Variants in TMPO observed in about 807,000 individuals in gnomAD.
TMPO encodes thymopoietin.
In TMPO, 22 loss-of-function variants were observed where a neutral mutation model predicts 45.4. The observed-to-expected ratio is 0.48, with a 90% CI of 0.35 to 0.69. The LOEUF (loss-of-function observed/expected upper bound fraction) is 0.69. TMPO is among the 30% of genes least tolerant of loss of function. The pLI is 0.01. For missense variants in TMPO, 512 were observed against 548.8 expected (o/e 0.93, Z 0.67); for synonymous variants, 241 against 204.1 (o/e 1.18, Z -1.54).
chr12:98,541,397 A>AT (rs1225498825), intron 4 of TMPO, among the ~76,000 whole-genome samples: 2 of 152,208 alleles, frequency 1.3e-5, no homozygotes, highest in Non-Finnish European at 2.9e-5. Flanking sequence ...GGGTTATGTT[A>AT]TACTTGTATC....
intron 4 of TMPO, among the ~76,000 whole-genome samples, chr12:98,543,376 G>A (rs968645579): frequency 6.6e-6 from 1 of 152,130 alleles, no homozygotes; most frequent in Admixed American, 6.5e-5. Flanking sequence ...GCGGAATTTC[G>A]GGCCCTACAG....
intron 1 of TMPO, among the ~76,000 whole-genome samples, chr12:98,519,996 G>C (rs755410152): frequency 6.7e-6 from 1 of 149,542 alleles, no homozygotes; most frequent in East Asian, 1.9e-4. Flanking sequence ...GTCTTGCTCT[G>C]TCACGCAGCC....
chr12:98,548,653 C>T lies in TMPO; in HGVS notation c.*795C>T, dbSNP rs1435577861. 1 of 152,096 alleles carries T rather than the reference C, an allele frequency of 6.6e-6. No homozygotes were observed. The highest frequency in any genetic ancestry group is 1.5e-5 in the Non-Finnish European group (1 of 68,024). The allele number at this position is 152,096 out of a possible 1,614,324, so 9.4% of individuals were successfully genotyped here. On this transcript the variant is annotated 3_prime_UTR_variant, in exon 9 of 9. Transcript: ENST00000556029. ...ACAGCAAAACATTTATTCAGTCATC[C>T]AGTTTGCTACCAAAATATGTTTTAG...
intron 2 of TMPO, among the ~76,000 whole-genome samples, chr12:98,531,352 T>C (rs1371273249): frequency 6.6e-6 from 1 of 150,576 alleles, no homozygotes; most frequent in Non-Finnish European, 1.5e-5. Context: ...TTCTCCTGTC[T>C]CAGCCTCCCA....
At position 98,550,299 on chromosome 12, in the gene TMPO, GTAAT is replaced by G. The variant is rs980800113; in HGVS notation, c.*2445_*2448del. The G allele has an allele frequency of 2.6e-5, 4 of 152,190 alleles. No individual in the cohort carries two copies. The highest frequency in any genetic ancestry group is 7.2e-5 in the African/African-American group (3 of 41,444). 9.4% of individuals were successfully genotyped at this position (152,190 alleles called of 1,614,324 possible). ...TTACAATATAATTCAATAATAAAAA[GTAAT>G]TAACCTCTAGTTTTGTCGTTGCAAT... On this transcript the variant is annotated 3_prime_UTR_variant, in exon 9 of 9. Coordinates refer to ENST00000556029, the MANE Select transcript of TMPO (RefSeq NM_001032283.3).
chr12:98,533,837 C>T, intron 3 of TMPO: 6 of 1,614,182 alleles, frequency 3.7e-6, no homozygotes, highest in Non-Finnish European at 5.1e-6. Flanking sequence ...TCCAGGGAGG[C>T]AACACAGATA....
At position 98,544,274 on chromosome 12, in the gene TMPO, A is replaced by G. The variant is rs780012318; in HGVS notation, c.708A>G (p.Gly236=). The change falls in exon 5 of 9, where the codon GGA becomes GGG. Residue 236 remains glycine, a synonymous_variant. Transcript: ENST00000556029. ...AGITETEWTS[G]SSKGGPLQAL... ...TAACTGAGACTGAATGGACAAGTGG[A>G]TCTTCAAAAGGCGGACCTCTGCAGG... is the stretch of plus-strand genomic sequence containing the variant. 1.2e-6 allele frequency: 2 copies of G among 1,614,004 alleles called. No individual in the cohort carries two copies. Among genetic ancestry groups the G allele is most frequent in the Non-Finnish European group, 1.7e-6 (2 of 1,179,892 alleles).
Position 98,534,268 on chromosome 12 carries a change from A to G in TMPO, c.565+2430A>G, listed in dbSNP as rs1380140733. On this transcript the variant is annotated intron_variant, in intron 3 of 8. Transcript: ENST00000556029. Reference sequence around the variant, plus strand: ...AGCTTCTAAGAATAAGCTGGCTTCCACTCCCTTTAAAGGTGGAACATTATT... The same window carrying G: ...AGCTTCTAAGAATAAGCTGGCTTCCGCTCCCTTTAAAGGTGGAACATTATT... 3.1e-6 allele frequency: 5 copies of G among 1,613,376 alleles called. No homozygotes were observed. The East Asian group carries it at 1.1e-4, about 36-fold the overall frequency.
chr12:98,516,260 G>A lies in TMPO; in HGVS notation c.279+114G>A, dbSNP rs59252512. ...GCCCCCTCGGGCCTCCCAGGTGCGG[G>A]GCTGTCCCTGCGCCCCCTCGCGTCG... On this transcript the variant is annotated intron_variant, in intron 1 of 8. Coordinates refer to ENST00000556029, the MANE Select transcript of TMPO (RefSeq NM_001032283.3). The A allele has an allele frequency of 8.0e-4, 1,012 of 1,271,378 alleles. 7 individuals carry two copies. In the African/African-American group the frequency reaches 0.015, roughly 18 times the overall value. The allele number at this position is 1,271,378 out of a possible 1,614,324, so 78.8% of individuals were successfully genotyped here.
intron 1 of TMPO, among the ~76,000 whole-genome samples, chr12:98,520,832 A>G (rs1046789936): frequency 1.3e-5 from 2 of 152,072 alleles, no homozygotes; most frequent in Non-Finnish European, 2.9e-5. Flanking sequence ...TCGGCCTCCC[A>G]GAGTTCTGGA....
intron 3 of TMPO, among the ~76,000 whole-genome samples, chr12:98,536,581 C>G (rs1877581479): frequency 6.6e-6 from 1 of 152,020 alleles, no homozygotes; most frequent in Non-Finnish European, 1.5e-5. Flanking sequence ...CTTAAGCTGA[C>G]CTCAGGTGAT....
At chr12:98,530,594 G>A (rs559173643) in intron 2 of TMPO, among the ~76,000 whole-genome samples, 17 of 152,280 alleles carry the variant, frequency 1.1e-4, no homozygotes, top group Non-Finnish European at 1.9e-4. Flanking sequence ...AATGTATTAA[G>A]AATTTGTAAT....
chr12:98,521,453 C>A (rs900657657), intron 1 of TMPO, among the ~76,000 whole-genome samples: 1 of 152,100 alleles, frequency 6.6e-6, no homozygotes, highest in Non-Finnish European at 1.5e-5. Flanking sequence ...TGTTTCATTT[C>A]AGCTTCTACC....
chr12:98,533,904 A>G lies in TMPO; in HGVS notation c.565+2066A>G, dbSNP rs1206820470. The G allele has an allele frequency of 6.2e-7, 1 of 1,614,140 alleles. No individual in the cohort carries two copies. Among genetic ancestry groups the G allele is most frequent in the African/African-American group, 1.3e-5 (1 of 75,060 alleles). The stretch of plus-strand genomic sequence containing the variant: ...TAGGGTTTATTTCTGAAGCCACTCC[A>G]CTAGGAGGTATTCAAGCAGCCTCCA... On this transcript the variant is annotated intron_variant, in intron 3 of 8. Transcript: ENST00000556029.
rs1474258502 is a variant in TMPO, at chr12:98,544,432, AAACT to A, written c.784-6_784-3del. 1 of 1,613,484 alleles carries A rather than the reference AAACT, an allele frequency of 6.2e-7. No individual in the cohort carries two copies. ...TATTTATTGTTTTTGTTTTGTTTTC[AAACT>A]AACAGGTGGAAACTTCAGAACATTT... On this transcript the variant is annotated splice_region_variant and splice_polypyrimidine_tract_variant and intron_variant, in intron 5 of 8. Coordinates refer to ENST00000556029, the MANE Select transcript of TMPO (RefSeq NM_001032283.3).
intron 3 of TMPO, chr12:98,535,478 A>G: frequency 4.1e-6 from 4 of 985,360 alleles, no homozygotes; most frequent in Non-Finnish European, 3.6e-6. Flanking sequence ...CTTAGATTAT[A>G]TGTGTCCATC....
At chr12:98,546,923 G>A (rs1878259266) in intron 8 of TMPO, among the ~76,000 whole-genome samples, 1 of 152,034 alleles carries the variant, frequency 6.6e-6, no homozygotes, top group African/African-American at 2.4e-5. Flanking sequence ...CTGTGTTTAT[G>A]TATCTTAATT....
chr12:98,516,399 T>A, intron 1 of TMPO: 1 of 1,192,050 alleles, frequency 8.4e-7, no homozygotes, highest in South Asian at 4.2e-5. Flanking sequence ...TTGGCGGCGG[T>A]TGTTTTGCAC....
At chr12:98,516,565 C>G (rs753710749) in intron 1 of TMPO, 4 of 1,006,060 alleles carry the variant, frequency 4.0e-6, no homozygotes, top group Non-Finnish European at 4.7e-6. Flanking sequence ...TGACTCGCAG[C>G]AGAGTCTCAG....
Sources: allele counts gnomAD v4.1 joint callset (sites outside exome capture counted in the v4.1 genomes callset), GRCh38; gene constraint gnomAD v4.1.1; transcripts MANE v1.5; gene names NCBI Gene and HGNC (gene_info 2026-07-23, HGNC 2026-07-21).